Variants in KALRN observed in about 807,000 individuals in gnomAD.
The protein encoded by KALRN is kalirin RhoGEF kinase.
In KALRN, 70 loss-of-function variants were observed where a neutral mutation model predicts 353.7. That is an observed-to-expected ratio of 0.20 (90% confidence interval 0.16 to 0.24). The LOEUF (loss-of-function observed/expected upper bound fraction) is 0.24. KALRN is among the 10% of genes least tolerant of loss of function. The pLI is 1.00. For synonymous variants in KALRN, 1,391 were observed against 1,434.8 expected, an observed-to-expected ratio of 0.97 and a Z score of 0.69; for missense variants, 2,791 against 3,756.7, an observed-to-expected ratio of 0.74 and a Z score of 6.72.
intron 33 of KALRN, among the ~76,000 whole-genome samples, chr3:124,546,521 G>A (rs149458096): frequency 5.4e-4 from 82 of 152,226 alleles, no homozygotes; most frequent in African/African-American, 1.9e-3. Flanking sequence ...GATTTTAACA[G>A]TGACTTCATA....
chr3:124,132,589 C>T (rs924216596), intron 1 of KALRN, among the ~76,000 whole-genome samples: 17 of 152,136 alleles, frequency 1.1e-4, no homozygotes, highest in South Asian at 4.2e-4. Context: ...CTTTTACACA[C>T]GGCAGGACTT....
At chr3:124,598,201 C>T (rs1171769245) in intron 34 of KALRN, among the ~76,000 whole-genome samples, 1 of 152,174 alleles carries the variant, frequency 6.6e-6, no homozygotes, top group African/African-American at 2.4e-5. Flanking sequence ...TCTGGAGGCC[C>T]AAGTCCATCT....
At chr3:124,419,287 A>C (rs960378074) in intron 14 of KALRN, among the ~76,000 whole-genome samples, 1 of 150,946 alleles carries the variant, frequency 6.6e-6, no homozygotes, top group Admixed American at 6.7e-5. Context: ...GAGGGAAAGG[A>C]AAAAGTGAGA....
intron 10 of KALRN, among the ~76,000 whole-genome samples, chr3:124,369,930 CA>C (rs2085600395): frequency 6.6e-6 from 1 of 152,050 alleles, no homozygotes; most frequent in Non-Finnish European, 1.5e-5. Context: ...TTCATGTTGT[CA>C]AAAATGACAG....
intron 3 of KALRN, among the ~76,000 whole-genome samples, chr3:124,254,488 C>T (rs1419146766): frequency 7.4e-6 from 1 of 134,264 alleles, no homozygotes; most frequent in South Asian, 2.3e-4. Flanking sequence ...TCAAACAAAA[C>T]AAGATTCAAA....
intron 1 of KALRN, among the ~76,000 whole-genome samples, chr3:124,065,069 A>G (rs1422880648): frequency 1.3e-5 from 2 of 152,160 alleles, no homozygotes; most frequent in African/African-American, 2.4e-5. Context: ...TACATTGGGA[A>G]GGTGGGTCTT....
chr3:124,524,191 A>C (rs185016547), intron 33 of KALRN, among the ~76,000 whole-genome samples: 2 of 152,136 alleles, frequency 1.3e-5, no homozygotes, highest in Non-Finnish European at 2.9e-5. Context: ...CCCCATTTTC[A>C]TTCTCTGTAC....
intron 34 of KALRN, among the ~76,000 whole-genome samples, chr3:124,592,446 C>A (rs2075889367): frequency 6.7e-6 from 1 of 149,512 alleles, no homozygotes. Flanking sequence ...TGCTGAGCAT[C>A]TACATTATAA....
intron 49 of KALRN, chr3:124,674,883 C>A (rs971822401): frequency 3.1e-5 from 11 of 350,220 alleles, no homozygotes; most frequent in East Asian, 3.1e-4. Context: ...CTTTCTCCCC[C>A]ACATTCATTA....
chr3:124,538,300 G>C (rs2068716937), intron 33 of KALRN, among the ~76,000 whole-genome samples: 1 of 152,022 alleles, frequency 6.6e-6, no homozygotes, highest in African/African-American at 2.4e-5. Context: ...GTGAGAGACA[G>C]AGAAACAGAG....
chr3:124,281,467 C>T (rs1243029487), intron 5 of KALRN, among the ~76,000 whole-genome samples: 1 of 152,196 alleles, frequency 6.6e-6, no homozygotes, highest in African/African-American at 2.4e-5. Context: ...ATTCAGCTCC[C>T]ATCCCTCAGG....
intron 1 of KALRN, among the ~76,000 whole-genome samples, chr3:124,169,705 T>C (rs532471945): frequency 1.3e-5 from 2 of 152,252 alleles, no homozygotes; most frequent in African/African-American, 4.8e-5. Context: ...CACTATAGAA[T>C]GTGACTGTAT....
intron 12 of KALRN, among the ~76,000 whole-genome samples, chr3:124,396,669 T>C (rs535240333): frequency 6.6e-6 from 1 of 152,370 alleles, no homozygotes; most frequent in South Asian, 2.1e-4. Context: ...CTGGCTTCAC[T>C]TTCTGTGGGG....
chr3:124,115,342 A>C (rs1423851111), intron 1 of KALRN, among the ~76,000 whole-genome samples: 1 of 152,154 alleles, frequency 6.6e-6, no homozygotes, highest in Non-Finnish European at 1.5e-5. Context: ...TTGATCAATC[A>C]TTTCCTGCCT....
At chr3:124,297,013 G>T (rs1263863213) in intron 5 of KALRN, among the ~76,000 whole-genome samples, 1 of 152,142 alleles carries the variant, frequency 6.6e-6, no homozygotes, top group Non-Finnish European at 1.5e-5. Context: ...TAATCACATT[G>T]TGTGCCAGAT....
chr3:124,518,197 A>G (rs967034696), intron 33 of KALRN, among the ~76,000 whole-genome samples: 1 of 152,184 alleles, frequency 6.6e-6, no homozygotes, highest in Non-Finnish European at 1.5e-5. Flanking sequence ...CAGACCAAGG[A>G]AAGTCTTACA....
chr3:124,584,591 G>T, intron 34 of KALRN: 1 of 1,381,820 alleles, frequency 7.2e-7, no homozygotes, highest in Non-Finnish European at 9.3e-7. Flanking sequence ...GCCCACAGCT[G>T]GACCTTGGAA....
chr3:124,193,956 T>A (rs1011368216), intron 1 of KALRN, among the ~76,000 whole-genome samples: 1 of 152,202 alleles, frequency 6.6e-6, no homozygotes, highest in Non-Finnish European at 1.5e-5. Flanking sequence ...GGGAGGATTC[T>A]GACTTATGAA....
chr3:124,607,901 C>T (rs2077515762), intron 34 of KALRN, among the ~76,000 whole-genome samples: 1 of 152,130 alleles, frequency 6.6e-6, no homozygotes, highest in Admixed American at 6.5e-5. Context: ...CACAGTGCCT[C>T]CACAGCTGGT....
Sources: allele counts gnomAD v4.1 joint callset (sites outside exome capture counted in the v4.1 genomes callset), GRCh38; gene constraint gnomAD v4.1.1; transcripts MANE v1.5; gene names NCBI Gene and HGNC (gene_info 2026-07-23, HGNC 2026-07-21).